Variants in BNC2 observed in about 807,000 individuals in gnomAD.
BNC2 encodes zinc finger protein basonuclin-2.
A neutral mutation model predicts 76.3 loss-of-function variants in BNC2; 20 were observed. The ratio of observed to expected loss-of-function variants is 0.26; its 90% CI spans 0.18 to 0.38. BNC2 has a LOEUF of 0.38. Ranked by LOEUF, BNC2 falls within the 10% of genes least tolerant of loss-of-function variation. The probability of loss-of-function intolerance (pLI) is 1.00; values close to 1 mark genes in which losing one functional copy is unlikely to be tolerated. For synonymous variants in BNC2, 582 were observed against 514.8 expected (o/e 1.13, Z -1.77); for missense variants, 1,382 against 1,399.8 (o/e 0.99, Z 0.20).
At chr9:16,679,586 G>A (rs1478015493) in intron 3 of BNC2, among the ~76,000 whole-genome samples, 5 of 152,228 alleles carry the variant, frequency 3.3e-5, no homozygotes, top group East Asian at 3.9e-4. Flanking sequence ...CCTGTGCAGC[G>A]CTGCCAGATG....
intron 3 of BNC2, among the ~76,000 whole-genome samples, chr9:16,725,526 A>T (rs1824289338): frequency 6.6e-6 from 1 of 152,186 alleles, no homozygotes; most frequent in African/African-American, 2.4e-5. Flanking sequence ...CCAAAAAAAA[A>T]AGAAAACATA....
At chr9:16,740,333 G>GGGA (rs2135150292) in intron 1 of BNC2, among the ~76,000 whole-genome samples, 1 of 152,314 alleles carries the variant, frequency 6.6e-6, no homozygotes, top group Admixed American at 6.5e-5. Flanking sequence ...AAGGCAGATA[G>GGGA]GGAGATTGAC....
intron 5 of BNC2, among the ~76,000 whole-genome samples, chr9:16,516,762 A>G (rs1357078310): frequency 2.0e-5 from 3 of 152,244 alleles, no homozygotes; most frequent in Non-Finnish European, 4.4e-5. Flanking sequence ...AAAAAAGTGA[A>G]TAAAAAGGTG....
chr9:16,425,076 T>C (rs1442595644), intron 6 of BNC2, among the ~76,000 whole-genome samples: 2 of 152,124 alleles, frequency 1.3e-5, no homozygotes, highest in African/African-American at 4.8e-5. Flanking sequence ...AAGCCCCAAA[T>C]GTAAGGAAGT....
chr9:16,848,629 A>G (rs760062179), intron 1 of BNC2, among the ~76,000 whole-genome samples: 1 of 152,214 alleles, frequency 6.6e-6, no homozygotes, highest in Non-Finnish European at 1.5e-5. Context: ...CTCTACCTTC[A>G]TAAAACAATG....
chr9:16,844,438 TG>T (rs970307329), intron 1 of BNC2, among the ~76,000 whole-genome samples: 30 of 150,754 alleles, frequency 2.0e-4, no homozygotes, highest in African/African-American at 7.3e-4. Context: ...AGATGTCAGG[TG>T]GTAATTCTAG....
chr9:16,743,680 A>G lies in BNC2; in HGVS notation c.4-5195T>C, dbSNP rs200955056. On this transcript the variant is annotated intron_variant, in intron 1 of 6. Transcript: ENST00000380672. ...ACCACACTGGTTTTCTTCAGGAGCC[A>G]GAGGCTGAGATACAGTTCTGAAAAT... is the stretch of plus-strand genomic sequence containing the variant. 4.5e-4 allele frequency among the ~76,000 whole-genome samples: 69 copies of G among 152,342 alleles called. No homozygotes were observed. The East Asian group carries it at 0.013, about 28-fold the overall frequency.
At chr9:16,863,143 G>A (rs1464060165) in intron 1 of BNC2, among the ~76,000 whole-genome samples, 1 of 151,902 alleles carries the variant, frequency 6.6e-6, no homozygotes, top group African/African-American at 2.4e-5. Flanking sequence ...TTGAACTCCT[G>A]ACCTTGTGAT....
chr9:16,599,985 CAG>C (rs1820201339), intron 3 of BNC2, among the ~76,000 whole-genome samples: 1 of 152,072 alleles, frequency 6.6e-6, no homozygotes, highest in Admixed American at 6.6e-5. Flanking sequence ...TAAAGGAAAA[CAG>C]GGGCAACCAA....
chr9:16,713,184 G>T (rs755117938), intron 3 of BNC2, among the ~76,000 whole-genome samples: 7 of 152,122 alleles, frequency 4.6e-5, no homozygotes, highest in Non-Finnish European at 8.8e-5. Context: ...GACTGCAATG[G>T]AAACCCAAAT....
chr9:16,707,959 TAAG>T (rs1215789334), intron 3 of BNC2, among the ~76,000 whole-genome samples: 1 of 152,084 alleles, frequency 6.6e-6, no homozygotes, highest in Non-Finnish European at 1.5e-5. Flanking sequence ...TTTTATAATC[TAAG>T]TATTCACTAC....
intron 5 of BNC2, among the ~76,000 whole-genome samples, chr9:16,478,548 TA>T (rs1445813648): frequency 1.1e-4 from 17 of 152,372 alleles, no homozygotes; most frequent in African/African-American, 4.1e-4. Context: ...TGCCTTTTTT[TA>T]GATGTAATCT....
At chr9:16,787,137 C>G (rs776350737) in intron 1 of BNC2, among the ~76,000 whole-genome samples, 4 of 152,170 alleles carry the variant, frequency 2.6e-5, no homozygotes, top group Admixed American at 6.5e-5. Context: ...CCTACTTCAG[C>G]AACATCTCTC....
chr9:16,433,083 C>T (rs1820937914), intron 6 of BNC2, among the ~76,000 whole-genome samples: 1 of 152,062 alleles, frequency 6.6e-6, no homozygotes, highest in African/African-American at 2.4e-5. Flanking sequence ...AGGCAGGCAC[C>T]CCAATGGCAT....
rs115322484 is a variant in BNC2 at position 16,834,405 on chromosome 9, T to C, written c.3+36241A>G. Among the ~76,000 whole-genome samples the C allele has an allele frequency of 3.1e-3, 465 of 152,336 alleles. 3 individuals carry two copies. The highest frequency in any genetic ancestry group is 0.011 in the African/African-American group (440 of 41,580). On this transcript the variant is annotated intron_variant, in intron 1 of 6. Coordinates refer to ENST00000380672, the MANE Select transcript of BNC2 (RefSeq NM_017637.6). The stretch of plus-strand genomic sequence containing the variant: ...AGCCACTTAATACTCCTCCTTTCCC[T>C]GTGTTGGTAGCAATGACAGACAGTT...
intron 5 of BNC2, among the ~76,000 whole-genome samples, chr9:16,523,171 T>C (rs1326449227): frequency 1.3e-5 from 2 of 151,720 alleles, no homozygotes; most frequent in African/African-American, 4.8e-5. Context: ...ACGGAAAGGG[T>C]TTTTAAAATA....
chr9:16,743,319 TC>T (rs36007355), intron 1 of BNC2, among the ~76,000 whole-genome samples: 2 of 152,112 alleles, frequency 1.3e-5, no homozygotes. Context: ...CTTTTTTTTT[TC>T]CCCATGTTTG....
At chr9:16,645,086 C>T (rs1035406809) in intron 3 of BNC2, among the ~76,000 whole-genome samples, 11 of 152,254 alleles carry the variant, frequency 7.2e-5, no homozygotes, top group African/African-American at 2.6e-4. Context: ...AAACTCTTAA[C>T]ACATACAAGA....
At chr9:16,642,648 T>A (rs1821520617) in intron 3 of BNC2, among the ~76,000 whole-genome samples, 1 of 152,176 alleles carries the variant, frequency 6.6e-6, no homozygotes, top group Non-Finnish European at 1.5e-5. Context: ...ATCACTAATA[T>A]CCCATGCTGT....
Sources: allele counts gnomAD v4.1 joint callset (sites outside exome capture counted in the v4.1 genomes callset), GRCh38; gene constraint gnomAD v4.1.1; transcripts MANE v1.5; gene names NCBI Gene and HGNC (gene_info 2026-07-23, HGNC 2026-07-21).